The following MAPT variants were observed in gnomAD, a reference collection of about 807,000 sequenced individuals.
The protein encoded by MAPT is microtubule-associated protein tau.
In MAPT, 34 loss-of-function variants were observed where a neutral mutation model predicts 67.9. The observed-to-expected ratio is 0.50, with a 90% confidence interval of 0.38 to 0.67. The LOEUF (loss-of-function observed/expected upper bound fraction) is 0.67. Among genes scored for constraint, MAPT ranks in the 30% least tolerant of loss-of-function variants. MAPT has a pLI of 0.00. For synonymous variants in MAPT, 456 were observed against 464.5 expected, an observed-to-expected ratio of 0.98 and a Z score of 0.23; for missense variants, 881 against 1,115.2, an observed-to-expected ratio of 0.79 and a Z score of 2.99.
At chr17:45,934,579 C>T (rs1011200266) in intron 1 of MAPT, among the ~76,000 whole-genome samples, 4 of 151,914 alleles carry the variant, frequency 2.6e-5, no homozygotes, top group Admixed American at 6.5e-5. Context: ...GTTTTGCTAG[C>T]TGACAGCCAC....
At chr17:45,935,038 T>C (rs981641438) in intron 1 of MAPT, among the ~76,000 whole-genome samples, 57 of 152,268 alleles carry the variant, frequency 3.7e-4, no homozygotes, top group African/African-American at 1.3e-3. Context: ...ACTGGGAAGG[T>C]CCGTGGCTAC....
chr17:45,988,404 C>T (rs2073774753), intron 6 of MAPT, among the ~76,000 whole-genome samples: 1 of 152,158 alleles, frequency 6.6e-6, no homozygotes, highest in African/African-American at 2.4e-5. Context: ...CTCCAAACAC[C>T]CCCTTCTCCT....
intron 12 of MAPT, among the ~76,000 whole-genome samples, chr17:46,022,831 A>G (rs994940812): frequency 6.6e-6 from 1 of 152,178 alleles, no homozygotes. Context: ...TCTGGAGGTT[A>G]AGGTGGGAAG....
At chr17:45,950,234 T>C (rs2145101103) in intron 1 of MAPT, among the ~76,000 whole-genome samples, 1 of 152,236 alleles carries the variant, frequency 6.6e-6, no homozygotes, top group South Asian at 2.1e-4. Flanking sequence ...GGCAGACATG[T>C]TCCAAACAGC....
intron 1 of MAPT, among the ~76,000 whole-genome samples, chr17:45,958,739 AAG>A (rs1320413256): frequency 6.6e-6 from 1 of 151,378 alleles, no homozygotes; most frequent in Non-Finnish European, 1.5e-5. Context: ...AAAAAAAAAA[AAG>A]AGGAGAAAAA....
chr17:46,009,718 A>G (rs2075694031), intron 9 of MAPT, among the ~76,000 whole-genome samples: 2 of 152,230 alleles, frequency 1.3e-5, no homozygotes. Flanking sequence ...GCTGTGTGTC[A>G]GAATCACCAG....
At chr17:45,947,946 C>T (rs981423796) in intron 1 of MAPT, among the ~76,000 whole-genome samples, 4 of 152,156 alleles carry the variant, frequency 2.6e-5, no homozygotes, top group African/African-American at 9.7e-5. Context: ...TTCCCCACTC[C>T]CATTCCCTAG....
At chr17:46,012,864 C>T (rs1042910050) in intron 10 of MAPT, among the ~76,000 whole-genome samples, 11 of 151,904 alleles carry the variant, frequency 7.2e-5, no homozygotes, top group African/African-American at 2.7e-4. Context: ...TCCACCCCCT[C>T]AGTGCTGGCC....
chr17:45,970,515 C>A (rs2071555874), intron 2 of MAPT, among the ~76,000 whole-genome samples: 2 of 152,248 alleles, frequency 1.3e-5, no homozygotes, highest in African/African-American at 4.8e-5. Flanking sequence ...GGGCTGCCCC[C>A]ATAAACATTT....
intron 1 of MAPT, among the ~76,000 whole-genome samples, chr17:45,918,436 T>A (rs755147851): frequency 5.9e-5 from 9 of 152,160 alleles, no homozygotes; most frequent in Non-Finnish European, 8.8e-5. Flanking sequence ...CTTGGGTAAG[T>A]AGCTGGACCT....
chr17:45,903,902 AT>A (rs1244511992), intron 1 of MAPT, among the ~76,000 whole-genome samples: 3 of 29,604 alleles, frequency 1.0e-4, no homozygotes, highest in South Asian at 1.5e-3. Flanking sequence ...TATTATATAT[AT>A]TTATATATTA....
chr17:46,008,378 A>G (rs1483485115), intron 9 of MAPT, among the ~76,000 whole-genome samples: 2 of 152,124 alleles, frequency 1.3e-5, no homozygotes, highest in Non-Finnish European at 2.9e-5. Context: ...GAGCCACTGT[A>G]CCCAGCCTAG....
chr17:45,914,999 A>G (rs1193568837), intron 1 of MAPT, among the ~76,000 whole-genome samples: 1 of 152,130 alleles, frequency 6.6e-6, no homozygotes, highest in African/African-American at 2.4e-5. Context: ...TTAAAACGTG[A>G]GTCACCCTGC....
rs1568207693 is a variant in MAPT at position 45,941,691 on chromosome 17, CTT to C, written c.-17-20629_-17-20628del. On this transcript the variant is annotated intron_variant, in intron 1 of 12. Coordinates refer to ENST00000262410, the MANE Select transcript of MAPT (RefSeq NM_001377265.1). ...CCTTCCCCCCTTCCCTCCTTCCTTC[CTT>C]CCTTCCTGCCTGCCTTCCTTCCTTC... Among the ~76,000 whole-genome samples the C allele has an allele frequency of 3.0e-4, 23 of 75,904 alleles. 1 individual carries two copies. The highest frequency in any genetic ancestry group is 1.6e-3 in the East Asian group (4 of 2,576). The allele number at this position is 75,904 out of a possible 152,430, so 49.8% of individuals were successfully genotyped here. A position where few individuals can be genotyped will look rare whatever the true frequency, so the allele number is the denominator to read the frequency against.
chr17:45,983,587 G>C lies in MAPT; in HGVS notation c.1008G>C (p.Ala336=). Residue 336 remains alanine, a synonymous_variant, in exon 5 of 13, where the codon GCG becomes GCC. Coordinates refer to ENST00000262410, the MANE Select transcript of MAPT (RefSeq NM_001377265.1). ...REATSIPGFP[A]EGAIPLPVDF... ...CCACCAGCATCCCAGGCTTCCCAGC[G>C]GAGGGTGCCATCCCCCTCCCTGTGG... The C allele has an allele frequency of 1.9e-6, 3 of 1,613,214 alleles. No individual in the cohort carries two copies. Among genetic ancestry groups the C allele is most frequent in the Non-Finnish European group, 2.5e-6 (3 of 1,179,964 alleles).
At chr17:45,926,980 TATATATACACACACATACAC>T (rs2066396335) in intron 1 of MAPT, among the ~76,000 whole-genome samples, 1 of 145,464 alleles carries the variant, frequency 6.9e-6, no homozygotes, top group Non-Finnish European at 1.5e-5. Context: ...TATATGTGTA[TATATATACACACACATACAC>T]ATATATATAC....
chr17:46,021,132 C>G (rs979950337), intron 12 of MAPT, among the ~76,000 whole-genome samples: 2 of 152,242 alleles, frequency 1.3e-5, no homozygotes, highest in African/African-American at 2.4e-5. Flanking sequence ...TTTGCTGATA[C>G]AGCCTTGCTG....
chr17:45,962,259 C>G, intron 1 of MAPT, 62 bp from the exon 2 acceptor site: 4 of 1,399,190 alleles, frequency 2.9e-6, no homozygotes, highest in Non-Finnish European at 4.0e-6. Flanking sequence ...TCCTCTCTCT[C>G]TTCACCCCCA....
At chr17:45,987,906 G>T (rs2073721135) in intron 6 of MAPT, among the ~76,000 whole-genome samples, 1 of 152,214 alleles carries the variant, frequency 6.6e-6, no homozygotes, top group African/African-American at 2.4e-5. Flanking sequence ...CTGGGGGCAG[G>T]GGGCAGGGAA....
Sources: gnomAD v4.1 joint callset for allele counts (sites outside exome capture counted in the v4.1 genomes callset) on GRCh38, gnomAD v4.1.1 for gene constraint, MANE v1.5 for transcripts, NCBI Gene and HGNC (gene_info 2026-07-23, HGNC 2026-07-21) for gene names.